Variants in UNC5B observed in about 807,000 individuals in gnomAD.
The protein encoded by UNC5B is unc-5 netrin receptor B.
UNC5B carries 56 observed loss-of-function variants against 103.7 expected under a neutral mutation model. That is an observed-to-expected ratio of 0.54 (90% CI 0.44 to 0.67). The LOEUF is 0.67. UNC5B is among the 30% of genes least tolerant of loss of function. The pLI, the probability that UNC5B is intolerant of heterozygous loss-of-function variation, is 0.00. For synonymous variants in UNC5B, 577 were observed against 542.0 expected, an observed-to-expected ratio of 1.06 and a Z score of -0.90; for missense variants, 1,194 against 1,284.5, an observed-to-expected ratio of 0.93 and a Z score of 1.08.
chr10:71,249,226 C>T (rs987162520), intron 1 of UNC5B, among the ~76,000 whole-genome samples: 1 of 152,234 alleles, frequency 6.6e-6, no homozygotes, highest in Non-Finnish European at 1.5e-5. Context: ...ACAAAGTCCT[C>T]CTGGGCTTCT....
rs772150969 is a variant in UNC5B at position 71,295,877 on chromosome 10, A to G, written c.2242A>G (p.Lys748Glu). The G allele has an allele frequency of 1.2e-6, 2 of 1,613,312 alleles. No individual in the cohort carries two copies. Among genetic ancestry groups the G allele is most frequent in the Non-Finnish European group, 1.7e-6 (2 of 1,180,004 alleles). The change falls in exon 14 of 17, where the codon AAG (lysine) becomes GAG (glutamate). Residue 748 changes from lysine (K) to glutamate (E), a missense_variant. Physicochemically the swap from Lys to Glu is moderately conservative, Grantham distance 56. Transcript: ENST00000335350. ...LVEEPKPLMF[K>E]DSYHNLRLSL... is the part of the protein sequence containing the mutation. Reference sequence around the variant, plus strand: ...GGAGGAGCCGAAACCGCTAATGTTCAAGGACAGTTACCACAACCTGCGCCT... The same window carrying G: ...GGAGGAGCCGAAACCGCTAATGTTCGAGGACAGTTACCACAACCTGCGCCT...
intron 13 of UNC5B, among the ~76,000 whole-genome samples, chr10:71,294,542 C>T (rs1180806728): frequency 6.6e-6 from 1 of 152,016 alleles, no homozygotes; most frequent in Non-Finnish European, 1.5e-5. Context: ...TGTTGGGAAG[C>T]TGGGGTTGGA....
At chr10:71,297,261 T>C (rs1474723940) in intron 15 of UNC5B, among the ~76,000 whole-genome samples, 1 of 152,212 alleles carries the variant, frequency 6.6e-6, no homozygotes, top group African/African-American at 2.4e-5. Flanking sequence ...AAAACTTACA[T>C]GATCTCACAA....
intron 2 of UNC5B, among the ~76,000 whole-genome samples, chr10:71,283,867 C>T (rs1453218526): frequency 6.6e-6 from 1 of 152,140 alleles, no homozygotes; most frequent in Non-Finnish European, 1.5e-5. Flanking sequence ...TCCTCAGCTC[C>T]AGGCCCACAG....
At chr10:71,245,649 C>T (rs1589162468) in intron 1 of UNC5B, among the ~76,000 whole-genome samples, 1 of 152,196 alleles carries the variant, frequency 6.6e-6, no homozygotes, top group South Asian at 2.1e-4. Flanking sequence ...ATGCCAGCCT[C>T]GCCGTGCCAC....
intron 1 of UNC5B, among the ~76,000 whole-genome samples, chr10:71,235,116 C>T (rs1384569674): frequency 6.7e-6 from 1 of 148,668 alleles, no homozygotes; most frequent in Non-Finnish European, 1.5e-5. Flanking sequence ...CTGCCTCTGC[C>T]TCTGACAGAC....
chr10:71,278,647 A>G (rs528646919), intron 1 of UNC5B, among the ~76,000 whole-genome samples: 1 of 152,358 alleles, frequency 6.6e-6, no homozygotes, highest in Admixed American at 6.5e-5. Context: ...CCCTAGAGCC[A>G]GATGTGGCCT....
intron 16 of UNC5B, among the ~76,000 whole-genome samples, chr10:71,298,330 T>C (rs1845497620): frequency 2.6e-5 from 4 of 152,222 alleles, no homozygotes; most frequent in Admixed American, 1.3e-4. Flanking sequence ...CAGACCCTGC[T>C]CTTTTCCCAT....
intron 1 of UNC5B, among the ~76,000 whole-genome samples, chr10:71,225,262 A>T (rs1291884656): frequency 3.7e-5 from 4 of 107,364 alleles, no homozygotes; most frequent in Non-Finnish European, 5.9e-5. Flanking sequence ...CTGTTCTCCA[A>T]ACCCACGGGG....
intron 11 of UNC5B, 91 bp from the exon 12 acceptor site, chr10:71,293,314 C>G: frequency 6.9e-7 from 1 of 1,450,994 alleles, no homozygotes; most frequent in Non-Finnish European, 9.3e-7. Flanking sequence ...CCTCCACCTC[C>G]CGGGCCCTGG....
intron 1 of UNC5B, among the ~76,000 whole-genome samples, chr10:71,236,651 G>A (rs1843781108): frequency 6.6e-6 from 1 of 152,080 alleles, no homozygotes; most frequent in South Asian, 2.1e-4. Flanking sequence ...ATGGGTGCTG[G>A]GCTTCCCTGC....
At chr10:71,286,251 G>A (rs900170312) in intron 4 of UNC5B, among the ~76,000 whole-genome samples, 11 of 152,148 alleles carry the variant, frequency 7.2e-5, no homozygotes, top group African/African-American at 1.4e-4. Flanking sequence ...TGCCAGACCC[G>A]GGGACCTTCT....
chr10:71,219,621 A>T (rs1292821767), intron 1 of UNC5B, among the ~76,000 whole-genome samples: 3 of 152,186 alleles, frequency 2.0e-5, no homozygotes, highest in Non-Finnish European at 4.4e-5. Context: ...AGACACACCC[A>T]GGATCAATAC....
intron 1 of UNC5B, among the ~76,000 whole-genome samples, chr10:71,252,776 A>G (rs1429745921): frequency 5.3e-5 from 8 of 152,162 alleles, no homozygotes; most frequent in South Asian, 2.1e-4. Context: ...GAGGGAAGGC[A>G]TTGGTAGCAG....
In UNC5B at chr10:71,297,982, C is replaced by A; in HGVS notation, c.2564C>A (p.Ala855Asp). 1 of 1,614,010 alleles carries A rather than the reference C, an allele frequency of 6.2e-7. No homozygotes were observed. Among genetic ancestry groups the A allele is most frequent in the Non-Finnish European group, 8.5e-7 (1 of 1,180,010 alleles). ...STVTTQLGPY[A>D]FKIPLSIRQK... ...GTCACCACCCAGCTGGGACCTTATG[C>A]CTTCAAGATCCCACTGTCCATCCGC... Residue 855 changes from alanine to aspartate, a missense_variant, in exon 16 of 17, where the codon GCC (alanine) becomes GAC (aspartate). Coordinates refer to ENST00000335350, the MANE Select transcript of UNC5B (RefSeq NM_170744.5).
intron 1 of UNC5B, chr10:71,217,775 C>T (rs909797395): frequency 2.0e-5 from 3 of 151,718 alleles, no homozygotes; most frequent in African/African-American, 7.3e-5. Context: ...CCTTTTCCAT[C>T]TTAGCGGCCT....
chr10:71,220,721 CAG>C (rs1433512261), intron 1 of UNC5B, among the ~76,000 whole-genome samples: 5 of 152,322 alleles, frequency 3.3e-5, no homozygotes, highest in African/African-American at 1.2e-4. Context: ...GCCCGGCACA[CAG>C]TGATCACTCA....
At chr10:71,229,039 T>C (rs1279957714) in intron 1 of UNC5B, among the ~76,000 whole-genome samples, 2 of 152,154 alleles carry the variant, frequency 1.3e-5, no homozygotes, top group African/African-American at 4.8e-5. Context: ...TGCTGGATGC[T>C]CTGGAGTTGC....
chr10:71,261,026 C>T (rs184304454), intron 1 of UNC5B, among the ~76,000 whole-genome samples: 156 of 152,254 alleles, frequency 1.0e-3, no homozygotes, highest in Admixed American at 2.5e-3. Flanking sequence ...TAGGGGCCAG[C>T]GTGGGAATGG....
Sources: gnomAD v4.1 joint callset for allele counts (sites outside exome capture counted in the v4.1 genomes callset) on GRCh38, gnomAD v4.1.1 for gene constraint, MANE v1.5 for transcripts, NCBI Gene and HGNC (gene_info 2026-07-23, HGNC 2026-07-21) for gene names.